Variants in CYRIB observed in about 807,000 individuals in gnomAD.
CYRIB encodes the protein CYFIP related Rac1 interactor B, also known as CYFIP-related Rac1 interactor B.
In CYRIB, 8 loss-of-function variants were observed where a neutral mutation model predicts 44.2. That is an observed-to-expected ratio of 0.18 (90% CI 0.11 to 0.33). The LOEUF (loss-of-function observed/expected upper bound fraction) is 0.33, where lower values mean the gene tolerates loss of function less well. Among genes scored for constraint, CYRIB ranks in the 10% least tolerant of loss-of-function variants. The pLI is 1.00. For missense variants in CYRIB, 185 were observed against 382.8 expected (o/e 0.48, Z 4.31); for synonymous variants, 131 against 127.2 (o/e 1.03, Z -0.20).
At chr8:129,966,801 C>T (rs1337085180) in intron 2 of CYRIB, among the ~76,000 whole-genome samples, 1 of 151,988 alleles carries the variant, frequency 6.6e-6, no homozygotes, top group East Asian at 1.9e-4. Flanking sequence ...TTCAAACAAT[C>T]CTCCCACCTC....
chr8:129,934,497 G>T (rs1474914177), intron 1 of CYRIB, among the ~76,000 whole-genome samples: 1 of 152,126 alleles, frequency 6.6e-6, no homozygotes, highest in East Asian at 1.9e-4. Context: ...CGGCAGGCCA[G>T]GTCTCACTAA....
At chr8:129,844,117 C>T (rs2038319215) in intron 11 of CYRIB, 1 of 152,186 alleles carries the variant, frequency 6.6e-6, no homozygotes, top group Non-Finnish European at 1.5e-5. Flanking sequence ...TTTGTTTCTC[C>T]TCCACTTCTT....
At chr8:129,892,960 G>A (rs554478367) in intron 2 of CYRIB, among the ~76,000 whole-genome samples, 2 of 152,252 alleles carry the variant, frequency 1.3e-5, no homozygotes, top group African/African-American at 2.4e-5. Flanking sequence ...CTCAATTAGC[G>A]GCGGATTTGT....
upstream of CYRIB, among the ~76,000 whole-genome samples, chr8:129,944,530 C>A (rs2094000090): frequency 6.6e-6 from 1 of 152,136 alleles, no homozygotes; most frequent in Non-Finnish European, 1.5e-5. Context: ...CGTCTGTAAT[C>A]CCAGCAGTGT....
At chr8:129,842,086 CTCAG>C in exon 12 of CYRIB, 3 of 1,284,518 alleles carry the variant, frequency 2.3e-6, no homozygotes, top group Non-Finnish European at 3.3e-6. Flanking sequence ...AAACTGCATT[CTCAG>C]TCATTGCAGA....
chr8:129,954,715 G>C (rs1191786281), intron 2 of CYRIB, among the ~76,000 whole-genome samples: 1 of 152,144 alleles, frequency 6.6e-6, no homozygotes, highest in Non-Finnish European at 1.5e-5. Context: ...CATGAACTCT[G>C]GACCCAGGGG....
chr8:130,008,045 C>T (rs1288686181), intron 1 of CYRIB, among the ~76,000 whole-genome samples: 1 of 151,906 alleles, frequency 6.6e-6, no homozygotes. Context: ...TCCATCTCTA[C>T]TAAAAGTACA....
rs1300206246 is a variant in CYRIB at position 130,015,959 on chromosome 8, G to C, written c.-296+411C>G. ...GGCCGGGGGCCAGCGCTGCTCCCGGGGTCAGTCCCCGCACCGACACCCGGC... is the reference window on the plus strand; with the variant it reads ...GGCCGGGGGCCAGCGCTGCTCCCGGCGTCAGTCCCCGCACCGACACCCGGC... On this transcript the variant is annotated intron_variant, in intron 1 of 14. Coordinates refer to the CYRIB transcript ENST00000401979. Among the ~76,000 whole-genome samples, 22 of 152,110 alleles carry C rather than the reference G, an allele frequency of 1.4e-4. No homozygotes were observed. The East Asian group carries it at 4.3e-3, about 30-fold the overall frequency.
intron 1 of CYRIB, among the ~76,000 whole-genome samples, chr8:129,913,834 T>C (rs1397873109): frequency 6.6e-6 from 1 of 152,238 alleles, no homozygotes; most frequent in Non-Finnish European, 1.5e-5. Flanking sequence ...AGATAAGGAC[T>C]CTATAAATGA....
intron 2 of CYRIB, among the ~76,000 whole-genome samples, chr8:129,966,683 A>G (rs1453181935): frequency 6.6e-6 from 1 of 152,142 alleles, no homozygotes; most frequent in Non-Finnish European, 1.5e-5. Context: ...TATAAAAAAT[A>G]AATTTTACTT....
intron 1 of CYRIB, among the ~76,000 whole-genome samples, chr8:129,906,624 C>T (rs1204551459): frequency 6.6e-6 from 1 of 152,126 alleles, no homozygotes; most frequent in African/African-American, 2.4e-5. Flanking sequence ...AACTAAAGAG[C>T]TTCTGCACAG....
chr8:130,012,820 C>T (rs2097257001), intron 1 of CYRIB, among the ~76,000 whole-genome samples: 1 of 152,140 alleles, frequency 6.6e-6, no homozygotes, highest in Admixed American at 6.5e-5. Context: ...ACAAAGTTGC[C>T]TTTCTTTCAG....
chr8:129,885,374 C>G (rs2062330071), intron 2 of CYRIB, among the ~76,000 whole-genome samples: 1 of 152,196 alleles, frequency 6.6e-6, no homozygotes, highest in Non-Finnish European at 1.5e-5. Context: ...CTGAATTTCT[C>G]TTGTTTAGTG....
chr8:129,977,183 C>T (rs1411231391), intron 1 of CYRIB, among the ~76,000 whole-genome samples: 2 of 152,148 alleles, frequency 1.3e-5, no homozygotes, highest in Admixed American at 6.6e-5. Context: ...AAATGTCTTG[C>T]CTTGCTGGCA....
chr8:129,865,253 T>C (rs1417967741), intron 4 of CYRIB, among the ~76,000 whole-genome samples: 2 of 152,212 alleles, frequency 1.3e-5, no homozygotes, highest in Non-Finnish European at 2.9e-5. Flanking sequence ...GTTTAAAACA[T>C]GCTGTGTGGT....
At chr8:129,915,570 T>G (rs995728700) in intron 1 of CYRIB, among the ~76,000 whole-genome samples, 1 of 152,160 alleles carries the variant, frequency 6.6e-6, no homozygotes, top group African/African-American at 2.4e-5. Flanking sequence ...GTAGGGTGGA[T>G]AGATTTGAAG....
Position 129,861,844 on chromosome 8 carries a change from G to A in CYRIB, c.301+385C>T, listed in dbSNP as rs902385569. ...CTTTGATTTCTTTGGATGCTAAAGG[G>A]TCCTATTATGAGAAATCACTTGGTA... On this transcript the variant is annotated intron_variant, in intron 5 of 11. Coordinates refer to ENST00000519824, the Ensembl canonical transcript of CYRIB. 1.1e-4 allele frequency among the ~76,000 whole-genome samples: 17 copies of A among 152,196 alleles called. No homozygotes were observed. In the South Asian group the frequency reaches 2.5e-3, roughly 22 times the overall value.
rs189186419 is a variant in CYRIB, at chr8:129,907,742, C to T, written c.-49-4392G>A. Among the ~76,000 whole-genome samples the T allele has an allele frequency of 1.4e-3, 208 of 152,340 alleles. 4 individuals are homozygous for T. Among genetic ancestry groups the T allele is most frequent in the Admixed American group, 0.012 (185 of 15,298 alleles). On this transcript the variant is annotated intron_variant, in intron 1 of 11. Transcript: ENST00000519824. ...GATGGCCTGGTGCAGTGGCTCACGC[C>T]TGTAAGCCCAGCCCTTTGAGAGGCC...
rs527825201 is a variant in CYRIB at position 129,850,719 on chromosome 8, T to C, written c.713+116A>G. The C allele has an allele frequency of 9.2e-6, 7 of 762,132 alleles. No individual in the cohort carries two copies. The East Asian group carries it at 1.6e-4, about 17-fold the overall frequency. The allele number at this position is 762,132 out of a possible 1,614,324, so 47.2% of individuals were successfully genotyped here. ...ATATTAACATTCAATATTTGGAATA[T>C]ACTTACTTTCCACCTTCCAGATAAA... On this transcript the variant is annotated intron_variant, in intron 9 of 11. Coordinates refer to ENST00000519824, the Ensembl canonical transcript of CYRIB.
Sources: gnomAD v4.1 joint callset for allele counts (sites outside exome capture counted in the v4.1 genomes callset) on GRCh38, gnomAD v4.1.1 for gene constraint, MANE v1.5 for transcripts, NCBI Gene and HGNC (gene_info 2026-07-23, HGNC 2026-07-21) for gene names.